PCDHA11: variants seen among roughly 807,000 people sequenced by gnomAD.
PCDHA11 encodes protocadherin alpha-11.
Under a neutral mutation model 70.3 loss-of-function variants are expected in PCDHA11, and 61 were observed. The observed-to-expected ratio is 0.87, with a 90% CI of 0.71 to 1.07. The LOEUF is 1.07. PCDHA11 is among the 50% of genes least tolerant of loss of function. The probability of loss-of-function intolerance (pLI) is 0.00; values close to 1 mark genes in which losing one functional copy is unlikely to be tolerated. For synonymous variants in PCDHA11, 633 were observed against 555.1 expected (o/e 1.14, Z -1.97); for missense variants, 1,324 against 1,237.5 (o/e 1.07, Z -1.05).
chr5:140,885,206 A>T (rs1304868227), intron 1 of PCDHA11, among the ~76,000 whole-genome samples: 1 of 152,038 alleles, frequency 6.6e-6, no homozygotes, highest in Admixed American at 6.6e-5. Context: ...CATATATCCC[A>T]TGAAAAATAT....
chr5:140,998,755 A>G (rs940678929), intron 3 of PCDHA11, among the ~76,000 whole-genome samples: 2 of 152,062 alleles, frequency 1.3e-5, no homozygotes, highest in African/African-American at 4.8e-5. Flanking sequence ...GAAGAGACAC[A>G]GTTTCACTAT....
intron 1 of PCDHA11, among the ~76,000 whole-genome samples, chr5:140,935,338 T>C (rs2090317634): frequency 1.3e-5 from 2 of 152,364 alleles, no homozygotes; most frequent in African/African-American, 4.8e-5. Context: ...ATTTCTCCCA[T>C]ACGTCAAATC....
chr5:140,929,381 G>GT (rs1554207059), intron 1 of PCDHA11: 2 of 1,510,858 alleles, frequency 1.3e-6, no homozygotes, highest in African/African-American at 1.4e-5. Flanking sequence ...TGCTAGCTGT[G>GT]TTTTGAAATA....
At chr5:140,910,482 C>T (rs1439012617) in intron 1 of PCDHA11, among the ~76,000 whole-genome samples, 3 of 152,178 alleles carry the variant, frequency 2.0e-5, no homozygotes, top group African/African-American at 7.2e-5. Flanking sequence ...ATCTGGCATA[C>T]AGAGAAGAGC....
rs1342030965 is a variant in PCDHA11 at position 140,955,208 on chromosome 5, C to G, written c.2392-23741C>G. ...GGTGTATATGAAGTCAATCAAGTAG[C>G]ATGATGCCTCCAGCTTTGTTCTTTT... On this transcript the variant is annotated intron_variant, in intron 1 of 3. Transcript: ENST00000398640. 2.6e-5 allele frequency among the ~76,000 whole-genome samples: 4 copies of G among 152,140 alleles called. No individual in the cohort carries two copies. In the East Asian group the frequency reaches 7.7e-4, roughly 29 times the overall value.
At chr5:140,997,399 C>T (rs1453624678) in intron 3 of PCDHA11, among the ~76,000 whole-genome samples, 1 of 152,118 alleles carries the variant, frequency 6.6e-6, no homozygotes, top group Non-Finnish European at 1.5e-5. Flanking sequence ...TAGGCTCTAT[C>T]GTATGGCCTA....
At chr5:140,882,529 T>G (rs1277056302) in intron 1 of PCDHA11, 1 of 1,614,074 alleles carries the variant, frequency 6.2e-7, no homozygotes, top group Non-Finnish European at 8.5e-7. Context: ...TGTTTGTGAA[T>G]TCTCGGATCG....
At chr5:140,907,093 C>A (rs1303875069) in intron 1 of PCDHA11, among the ~76,000 whole-genome samples, 2 of 152,090 alleles carry the variant, frequency 1.3e-5, no homozygotes, top group Non-Finnish European at 2.9e-5. Flanking sequence ...GTAAGTGGTG[C>A]CACTTCCACT....
chr5:140,869,103 G>T lies in PCDHA11; in HGVS notation c.-1G>T. 6.2e-7 allele frequency: 1 copy of T among 1,600,312 alleles called. No individual in the cohort carries two copies. Among genetic ancestry groups the T allele is most frequent in the Non-Finnish European group, 8.5e-7 (1 of 1,172,290 alleles). On this transcript the variant is annotated 5_prime_UTR_variant, in exon 1 of 4. Coordinates refer to ENST00000398640, the MANE Select transcript of PCDHA11 (RefSeq NM_018902.5). ...TATTTTGGAAGCCAATTTCGTATGC[G>T]ATGTTTGGTTTTCAGAGAAGGGGAT...
At chr5:140,882,049 T>G in intron 1 of PCDHA11, 2 of 752,814 alleles carry the variant, frequency 2.7e-6, no homozygotes, top group Non-Finnish European at 4.1e-6. Context: ...TGAGTCATAC[T>G]TACACTTACA....
At chr5:140,922,802 GA>G (rs1475670811) in intron 1 of PCDHA11, among the ~76,000 whole-genome samples, 1 of 152,162 alleles carries the variant, frequency 6.6e-6, no homozygotes, top group African/African-American at 2.4e-5. Flanking sequence ...TTGGAATACA[GA>G]AAAAGGAGAT....
In PCDHA11 at chr5:140,917,987, A is replaced by G. The variant is rs140618239; in HGVS notation, c.2391+46493A>G. 3.9e-3 allele frequency among the ~76,000 whole-genome samples: 598 copies of G among 152,198 alleles called. 2 individuals are homozygous for G. The highest frequency in any genetic ancestry group is 5.9e-3 in the Admixed American group (90 of 15,276). ...GAATCTGTGAATTGCTTTGGACAGT[A>G]TGGTTATCTTAACAATGTTGTTTCT... On this transcript the variant is annotated intron_variant, in intron 1 of 3. Coordinates refer to ENST00000398640, the MANE Select transcript of PCDHA11 (RefSeq NM_018902.5).
chr5:140,908,090 G>A (rs1198966409), intron 1 of PCDHA11, among the ~76,000 whole-genome samples: 1 of 152,200 alleles, frequency 6.6e-6, no homozygotes. Flanking sequence ...CAGGTGCACT[G>A]ATTGAAGTTC....
rs1554164992 is a variant in PCDHA11, at chr5:140,871,027, C to T, written c.1924C>T (p.Pro642Ser). The T allele has an allele frequency of 6.2e-7, 1 of 1,613,114 alleles. No homozygotes were observed. The highest frequency in any genetic ancestry group is 1.3e-5 in the African/African-American group (1 of 74,928). ...GCGTGCCCTGGACGAGGCAGACTCG[C>T]CGCGCCACCGACTTCTAGTACTGGT... ...TTRALDEADS[P>S]RHRLLVLVKD... The change falls in exon 1 of 4, where the codon CCG becomes TCG. Residue 642 changes from proline (P) to serine (S), a missense_variant. By Grantham distance (74) the Pro-to-Ser change is moderately conservative. Transcript: ENST00000398640.
intron 3 of PCDHA11, among the ~76,000 whole-genome samples, chr5:140,985,013 C>T (rs1022576947): frequency 8.6e-5 from 13 of 152,046 alleles, no homozygotes; most frequent in Non-Finnish European, 1.3e-4. Context: ...TATCGGCTCA[C>T]AGCAACCTCT....
Position 140,883,090 on chromosome 5 carries a change from T to C in PCDHA11, c.2391+11596T>C, listed in dbSNP as rs550322124. On this transcript the variant is annotated intron_variant, in intron 1 of 3. Transcript: ENST00000398640. ...CCACAGATCCTGATGATGGTACAAA[T>C]GGAGATATAGTTTACTCATTTAGAA... The C allele has an allele frequency of 1.4e-4, 226 of 1,614,138 alleles. 1 individual carries two copies. In the South Asian group the frequency reaches 2.4e-3, roughly 17 times the overall value.
chr5:140,998,186 CA>C (rs1323195881), intron 3 of PCDHA11, among the ~76,000 whole-genome samples: 1 of 152,088 alleles, frequency 6.6e-6, no homozygotes, highest in African/African-American at 2.4e-5. Context: ...AAGCACTTTA[CA>C]AGTATTAACT....
intron 1 of PCDHA11, among the ~76,000 whole-genome samples, chr5:140,932,839 C>T (rs138437913): frequency 6.6e-6 from 1 of 151,940 alleles, no homozygotes; most frequent in East Asian, 1.9e-4. Flanking sequence ...GACAATGTGT[C>T]TCATAATGTT....
At chr5:140,884,530 G>A in intron 1 of PCDHA11, 1 of 1,614,062 alleles carries the variant, frequency 6.2e-7, no homozygotes, top group South Asian at 1.1e-5. Context: ...CGCAGCAGAG[G>A]CGGCCGAGGG....
Sources: allele counts gnomAD v4.1 joint callset (sites outside exome capture counted in the v4.1 genomes callset), GRCh38; gene constraint gnomAD v4.1.1; transcripts MANE v1.5; gene names NCBI Gene and HGNC (gene_info 2026-07-23, HGNC 2026-07-21).